Variants in MKX observed in about 807,000 individuals in gnomAD.
The protein encoded by MKX is mohawk homeobox, also known as homeobox protein Mohawk.
A neutral mutation model predicts 36.0 loss-of-function variants in MKX; 13 were observed. That is an observed-to-expected ratio of 0.36 (90% CI 0.24 to 0.57). The LOEUF (loss-of-function observed/expected upper bound fraction) is 0.57, where lower values mean the gene tolerates loss of function less well. Ranked by LOEUF, MKX falls within the 20% of genes least tolerant of loss-of-function variation. The pLI is 0.79. For missense variants in MKX, 458 were observed against 456.4 expected (o/e 1.00, Z -0.03); for synonymous variants, 176 against 178.3 (o/e 0.99, Z 0.10).
chr10:27,713,349 T>TCC (rs1836906400), intron 5 of MKX, among the ~76,000 whole-genome samples: 1 of 152,206 alleles, frequency 6.6e-6, no homozygotes, highest in African/African-American at 2.4e-5. Flanking sequence ...GGATGTGCAT[T>TCC]TTTCTGAAGA....
intron 5 of MKX, among the ~76,000 whole-genome samples, chr10:27,711,231 G>T (rs564735584): frequency 6.6e-6 from 1 of 152,156 alleles, no homozygotes; most frequent in Non-Finnish European, 1.5e-5. Context: ...ACTGGGAAAA[G>T]AATGCATCTC....
intron 5 of MKX, among the ~76,000 whole-genome samples, chr10:27,730,788 T>G (rs562045408): frequency 6.6e-6 from 1 of 151,470 alleles, no homozygotes; most frequent in Non-Finnish European, 1.5e-5. Context: ...ATATATTTAA[T>G]AAAACTCATC....
intron 5 of MKX, among the ~76,000 whole-genome samples, chr10:27,690,300 G>A (rs1836430273): frequency 6.6e-6 from 1 of 152,174 alleles, no homozygotes. Flanking sequence ...GAGCCCGGAG[G>A]CGGAGGTTGC....
rs183543171 is a variant in MKX, at chr10:27,724,936, C to T, written c.838+9520G>A. 7.9e-5 allele frequency among the ~76,000 whole-genome samples: 12 copies of T among 152,138 alleles called. No homozygotes were observed. The East Asian group carries it at 1.7e-3, about 22-fold the overall frequency. On this transcript the variant is annotated intron_variant, in intron 5 of 6. Transcript: ENST00000419761. The stretch of plus-strand genomic sequence containing the variant: ...TTATAATATCAACTTGTGTAAAAAC[C>T]TTTCCACTCTAGCTATTAAAAGAGA...
rs115475154 is a variant in MKX, at chr10:27,675,010, T to C, written c.*219A>G. 1,344 of 438,802 alleles carry C rather than the reference T, an allele frequency of 3.1e-3. 15 individuals carry two copies. The highest frequency in any genetic ancestry group is 0.024 in the African/African-American group (1,187 of 50,152). The allele number at this position is 438,802 out of a possible 1,614,324, so 27.2% of individuals were successfully genotyped here. Reference sequence around the variant, plus strand: ...AATGGTAATGCAGATGTTTTATGCATAGTTTGAGTAACATAAAATAAGTTA... The same window carrying C: ...AATGGTAATGCAGATGTTTTATGCACAGTTTGAGTAACATAAAATAAGTTA... On this transcript the variant is annotated 3_prime_UTR_variant, in exon 7 of 7. Transcript: ENST00000419761.
In MKX at chr10:27,744,355, A is replaced by T. The variant is rs371964794; in HGVS notation, c.-82-858T>A. 1.4e-4 allele frequency among the ~76,000 whole-genome samples: 21 copies of T among 151,922 alleles called. 1 individual carries two copies. The highest frequency in any genetic ancestry group is 4.8e-4 in the African/African-American group (20 of 41,448). On this transcript the variant is annotated intron_variant, in intron 1 of 6. Coordinates refer to ENST00000419761, the MANE Select transcript of MKX (RefSeq NM_173576.3). This position sits in a 1 kb window ranked among gnomAD's most constrained non-coding sequence, Gnocchi z 5.6. The stretch of plus-strand genomic sequence containing the variant: ...CCGCCTCTCTCTGGGGTCTCCGGGG[A>T]CCCTTTCAGAGGCTGTAAAGGTGTC...
At chr10:27,696,755 C>T (rs1290587669) in intron 5 of MKX, among the ~76,000 whole-genome samples, 1 of 152,050 alleles carries the variant, frequency 6.6e-6, no homozygotes, top group East Asian at 1.9e-4. Flanking sequence ...CATGAACTAG[C>T]ATCCTACGTA....
rs1423440621 is a variant in MKX at position 27,744,713 on chromosome 10, C to G, written c.-83+994G>C. 8.3e-6 allele frequency: 1 copy of G among 120,960 alleles called. No individual in the cohort carries two copies. Among genetic ancestry groups the G allele is most frequent in the Non-Finnish European group, 1.7e-5 (1 of 60,288 alleles). The allele number at this position is 120,960 out of a possible 1,614,324, so 7.5% of individuals were successfully genotyped here. A position where few individuals can be genotyped will look rare whatever the true frequency, so the allele number is the denominator to read the frequency against. ...CCACTAACACACGCGCGCGCGCATA[C>G]ACACACACACACACACACACACACA... On this transcript the variant is annotated intron_variant, in intron 1 of 6. Transcript: ENST00000419761. The surrounding 1 kb of genome is among the most constrained non-coding windows in gnomAD (Gnocchi z 5.6).
intron 3 of MKX, among the ~76,000 whole-genome samples, chr10:27,736,266 G>C (rs562979123): frequency 4.6e-5 from 7 of 152,182 alleles, no homozygotes; most frequent in Non-Finnish European, 8.8e-5. Context: ...CATGGGTGAA[G>C]AGGGGGAAAA....
At chr10:27,724,101 A>G (rs772962818) in intron 5 of MKX, among the ~76,000 whole-genome samples, 1 of 152,220 alleles carries the variant, frequency 6.6e-6, no homozygotes, top group Non-Finnish European at 1.5e-5. Context: ...ATTGTAAAAA[A>G]TGTTCTCTTT....
intron 5 of MKX, among the ~76,000 whole-genome samples, chr10:27,707,613 T>G (rs142328753): frequency 1.1e-3 from 163 of 152,304 alleles, no homozygotes; most frequent in African/African-American, 3.6e-3. Flanking sequence ...TTCAGCCTCT[T>G]CCAGGCTTGC....
chr10:27,728,287 C>G (rs1834538175), intron 5 of MKX, among the ~76,000 whole-genome samples: 1 of 152,224 alleles, frequency 6.6e-6, no homozygotes, highest in African/African-American at 2.4e-5. Flanking sequence ...CACCGAGGCA[C>G]TCACACAGGG....
rs535112373 is a variant in MKX, at chr10:27,711,693, C to T, written c.838+22763G>A. Among the ~76,000 whole-genome samples, 361 of 150,816 alleles carry T rather than the reference C, an allele frequency of 2.4e-3. 1 individual carries two copies. Among genetic ancestry groups the T allele is most frequent in the African/African-American group, 8.5e-3 (346 of 40,904 alleles). On this transcript the variant is annotated intron_variant, in intron 5 of 6. Coordinates refer to ENST00000419761, the MANE Select transcript of MKX (RefSeq NM_173576.3). ...CTCAAGTGACCCTGCTGCCTCAATC[C>T]CTCCCCAGTAGCCGAAACTACAGGC...
chr10:27,729,292 CTTTT>C (rs57352901), intron 5 of MKX, among the ~76,000 whole-genome samples: 1 of 118,114 alleles, frequency 8.5e-6, no homozygotes, highest in Non-Finnish European at 1.7e-5. Context: ...TGCACTAGGC[CTTTT>C]TTTTTTTTTT....
chr10:27,739,452 G>A (rs983498010), intron 3 of MKX, among the ~76,000 whole-genome samples: 4 of 151,940 alleles, frequency 2.6e-5, no homozygotes, highest in African/African-American at 9.7e-5. Context: ...CTGAGCACTA[G>A]TGTAAGAGAA....
chr10:27,706,648 T>C (rs1044167705), intron 5 of MKX, among the ~76,000 whole-genome samples: 1 of 151,948 alleles, frequency 6.6e-6, no homozygotes, highest in Non-Finnish European at 1.5e-5. Flanking sequence ...ATTTCTCTAA[T>C]GATTGGTAAT....
chr10:27,693,242 C>CA (rs1564348634), intron 5 of MKX, among the ~76,000 whole-genome samples: 2 of 152,156 alleles, frequency 1.3e-5, no homozygotes, highest in Non-Finnish European at 2.9e-5. Flanking sequence ...TGGGGTCATT[C>CA]TATGCTGAGA....
rs1004039153 is a variant in MKX at position 27,741,089 on chromosome 10, A to G, written c.348+256T>C. ...TCTCCAGGCGATTCTGATGCTCACT[A>G]ATGTTGAACCTTCTCGTAAGTCTGC... is the stretch of plus-strand genomic sequence containing the variant. On this transcript the variant is annotated intron_variant, in intron 3 of 6. Transcript: ENST00000419761. The surrounding 1 kb of genome is among the most constrained non-coding windows in gnomAD (Gnocchi z 5.1). 6.6e-6 allele frequency among the ~76,000 whole-genome samples: 1 copy of G among 152,050 alleles called. No homozygotes were observed. The highest frequency in any genetic ancestry group is 1.5e-5 in the Non-Finnish European group (1 of 68,014).
intron 5 of MKX, among the ~76,000 whole-genome samples, chr10:27,689,512 A>G (rs1219835111): frequency 6.6e-6 from 1 of 152,142 alleles, no homozygotes. Context: ...AACTGGGGTG[A>G]AGGTATACTT....
Sources: gnomAD v4.1 joint callset for allele counts (sites outside exome capture counted in the v4.1 genomes callset) on GRCh38, gnomAD v4.1.1 for gene constraint, Gnocchi (gnomAD v3.1) non-coding constraint, MANE v1.5 for transcripts, NCBI Gene and HGNC (gene_info 2026-07-23, HGNC 2026-07-21) for gene names.